The following COG6 variants were observed in gnomAD, a reference collection of about 807,000 sequenced individuals.
COG6 encodes conserved oligomeric Golgi complex subunit 6.
A neutral mutation model predicts 88.8 loss-of-function variants in COG6; 74 were observed. The observed-to-expected ratio is 0.83, with a 90% confidence interval of 0.69 to 1.01. COG6 has a LOEUF of 1.01. Among genes scored for constraint, COG6 ranks in the 50% least tolerant of loss-of-function variants. The pLI is 0.00. For missense variants in COG6, 800 were observed against 797.9 expected (o/e 1.00, Z -0.03); for synonymous variants, 286 against 278.7 (o/e 1.03, Z -0.26).
Position 39,743,023 on chromosome 13 carries a change from C to G in COG6, c.1827-7923C>G, listed in dbSNP as rs537926362. Reference sequence around the variant, plus strand: ...ATGACTACTGGGTACATAACGAAATCAAGGCAGAAATAAAGATGTTCTCTG... The same window carrying G: ...ATGACTACTGGGTACATAACGAAATGAAGGCAGAAATAAAGATGTTCTCTG... On this transcript the variant is annotated intron_variant, in intron 18 of 18. Coordinates refer to ENST00000455146, the MANE Select transcript of COG6 (RefSeq NM_020751.3). Among the ~76,000 whole-genome samples the G allele has an allele frequency of 6.6e-5, 10 of 152,106 alleles. No individual in the cohort carries two copies. In the South Asian group the frequency reaches 8.3e-4, roughly 13 times the overall value.
chr13:39,698,019 G>A (rs1877371740), intron 12 of COG6, among the ~76,000 whole-genome samples: 1 of 151,830 alleles, frequency 6.6e-6, no homozygotes, highest in Admixed American at 6.6e-5. Flanking sequence ...GAAAAATCAA[G>A]TAATGGGAGT....
At position 39,655,894 on chromosome 13, in the gene COG6, C is replaced by T. The variant is rs1172296104; in HGVS notation, c.153+15C>T. On this transcript the variant is annotated intron_variant, in intron 1 of 18. Coordinates refer to ENST00000455146, the MANE Select transcript of COG6 (RefSeq NM_020751.3). Reference sequence around the variant, plus strand: ...ACAACGACAAGGTAACCGGGGCTGGCGGGGCCGGAGTCACAGGTTCCTGCG... The same window carrying T: ...ACAACGACAAGGTAACCGGGGCTGGTGGGGCCGGAGTCACAGGTTCCTGCG... The T allele has an allele frequency of 1.9e-6, 3 of 1,601,472 alleles. No homozygotes were observed. In the African/African-American group the frequency reaches 4.0e-5, roughly 21 times the overall value.
At chr13:39,720,466 C>G (rs966018516) in intron 15 of COG6, among the ~76,000 whole-genome samples, 1 of 152,000 alleles carries the variant, frequency 6.6e-6, no homozygotes, top group South Asian at 2.1e-4. Flanking sequence ...ATGTTCTGTG[C>G]TATCACACAT....
intron 18 of COG6, among the ~76,000 whole-genome samples, chr13:39,743,293 A>C (rs978657352): frequency 1.2e-4 from 18 of 152,128 alleles, no homozygotes; most frequent in East Asian, 9.6e-4. Flanking sequence ...AAAAACCCTT[A>C]AAAAAATCAA....
chr13:39,657,527 TG>T (rs995374694), intron 1 of COG6, among the ~76,000 whole-genome samples: 10 of 119,096 alleles, frequency 8.4e-5, no homozygotes, highest in African/African-American at 3.3e-4. Flanking sequence ...CTTCACTTCA[TG>T]GGTTTTTTTT....
At chr13:39,724,969 T>C (rs540489908) in intron 17 of COG6, among the ~76,000 whole-genome samples, 11 of 152,052 alleles carry the variant, frequency 7.2e-5, no homozygotes, top group Admixed American at 5.2e-4. Context: ...TAAAACAGTT[T>C]ATTACTCTTT....
chr13:39,711,952 T>C (rs866165594), intron 13 of COG6, among the ~76,000 whole-genome samples: 2 of 152,132 alleles, frequency 1.3e-5, no homozygotes, highest in Admixed American at 6.6e-5. Context: ...CTCCACCTCC[T>C]GGGTTCAAGC....
At chr13:39,758,218 CA>C (rs34210362) in intron 18 of COG6, among the ~76,000 whole-genome samples, 15,606 of 55,786 alleles carry the variant, frequency 0.28, 788 homozygotes, top group Non-Finnish European at 0.3. Flanking sequence ...GATGCCTTCT[CA>C]AAAAAAAAAA....
chr13:39,696,295 A>G (rs1171592257), intron 12 of COG6, among the ~76,000 whole-genome samples: 5 of 151,976 alleles, frequency 3.3e-5, no homozygotes, highest in African/African-American at 4.8e-5. Context: ...GCTTAAACTT[A>G]CATTGTAGTA....
At chr13:39,717,493 C>G (rs1187150298) in intron 13 of COG6, among the ~76,000 whole-genome samples, 1 of 147,016 alleles carries the variant, frequency 6.8e-6, no homozygotes, top group African/African-American at 2.5e-5. Context: ...TTTTTCAATT[C>G]TTTTTCTTTC....
intron 15 of COG6, among the ~76,000 whole-genome samples, chr13:39,722,070 G>T (rs1444109832): frequency 1.3e-5 from 2 of 151,872 alleles, no homozygotes; most frequent in Non-Finnish European, 2.9e-5. Flanking sequence ...GTCCTTGGTT[G>T]GTTTTATCTC....
At chr13:39,729,262 T>C (rs182874682) in intron 18 of COG6, among the ~76,000 whole-genome samples, 1 of 152,234 alleles carries the variant, frequency 6.6e-6, no homozygotes, top group East Asian at 1.9e-4. Flanking sequence ...GGTTATGTGC[T>C]CCTTATGAGA....
chr13:39,755,175 G>A (rs1880792094), downstream of COG6, among the ~76,000 whole-genome samples: 1 of 152,012 alleles, frequency 6.6e-6, no homozygotes, highest in Admixed American at 6.6e-5. Flanking sequence ...AGTAACCTGA[G>A]TTACTTAAAA....
chr13:39,682,122 A>G (rs1876347823), intron 7 of COG6, 49 bp from the exon 8 acceptor site: 1 of 1,318,342 alleles, frequency 7.6e-7, no homozygotes, highest in Non-Finnish European at 1.1e-6. Flanking sequence ...AGACATAATA[A>G]ACATCTAAGC....
intron 13 of COG6, among the ~76,000 whole-genome samples, chr13:39,700,710 G>A (rs1216611709): frequency 6.6e-6 from 1 of 151,886 alleles, no homozygotes; most frequent in East Asian, 1.9e-4. Flanking sequence ...TTTTCCTTTA[G>A]TGGAAAATGA....
At chr13:39,748,441 C>A (rs1357485280) in intron 18 of COG6, among the ~76,000 whole-genome samples, 1 of 151,958 alleles carries the variant, frequency 6.6e-6, no homozygotes, top group Non-Finnish European at 1.5e-5. Flanking sequence ...ATGATGAAAC[C>A]CCGTCTCTAC....
chr13:39,676,265 A>C (rs966090932), intron 4 of COG6, among the ~76,000 whole-genome samples: 2 of 152,106 alleles, frequency 1.3e-5, no homozygotes, highest in African/African-American at 4.8e-5. Context: ...AGAGTAAACT[A>C]TACGACCCCA....
At chr13:39,683,441 T>C (rs1349374718) in intron 8 of COG6, among the ~76,000 whole-genome samples, 3 of 152,122 alleles carry the variant, frequency 2.0e-5, no homozygotes, top group South Asian at 2.1e-4. Flanking sequence ...AAGATATACA[T>C]TGAGAGATAA....
chr13:39,656,023 T>A, intron 1 of COG6, 144 bp downstream of exon 1: 1 of 1,086,884 alleles, frequency 9.2e-7, no homozygotes, highest in Non-Finnish European at 1.4e-6. Flanking sequence ...CGGGCTCCGC[T>A]GCTCTGCGGG....
Sources: allele counts gnomAD v4.1 joint callset (sites outside exome capture counted in the v4.1 genomes callset), GRCh38; gene constraint gnomAD v4.1.1; transcripts MANE v1.5; gene names NCBI Gene and HGNC (gene_info 2026-07-23, HGNC 2026-07-21).